Variants in GLIS1 observed in about 807,000 individuals in gnomAD.
GLIS1 encodes zinc finger protein GLIS1.
In GLIS1, 24 loss-of-function variants were observed where a neutral mutation model predicts 63.8. The observed-to-expected ratio is 0.38, with a 90% CI of 0.27 to 0.53. The LOEUF is 0.53. Among genes scored for constraint, GLIS1 ranks in the 20% least tolerant of loss-of-function variants. GLIS1 has a pLI of 0.85. For missense variants in GLIS1, 1,036 were observed against 1,074.1 expected (o/e 0.96, Z 0.50); for synonymous variants, 450 against 482.5 (o/e 0.93, Z 0.88).
rs773311288 is a variant in GLIS1, at chr1:53,631,151, G to GT, written c.260-30874dup. Among the ~76,000 whole-genome samples the GT allele has an allele frequency of 2.3e-3, 346 of 152,238 alleles. 1 individual carries two copies. The highest frequency in any genetic ancestry group is 3.9e-3 in the Non-Finnish European group (262 of 68,004). ...CTTTTCAAGTAGTGTAATCTAACGG[G>GT]TTTTTTTAGTTGCAATTACTTTTGT... On this transcript the variant is annotated intron_variant, in intron 2 of 10. Transcript: ENST00000628545.
chr1:53,594,315 C>T lies in GLIS1; in HGVS notation c.1113G>A (p.Ala371=), dbSNP rs766894332. 1.1e-5 allele frequency: 18 copies of T among 1,611,946 alleles called. No homozygotes were observed. Among genetic ancestry groups the T allele is most frequent in the South Asian group, 3.3e-5 (3 of 91,030 alleles). The change falls in exon 4 of 11, where the codon GCG becomes GCA. Residue 371 remains alanine, a synonymous_variant. Coordinates refer to ENST00000628545, the MANE Select transcript of GLIS1 (RefSeq NM_001367484.1). ...LAGRVVAGRQ[A]CRWVDCCAAY... ...CTGCACAGCAGTCCACCCAGCGGCA[C>T]GCCTGCCGCCCGGCCACCACCCTGC...
At chr1:53,682,006 T>C (rs551581021) in intron 2 of GLIS1, among the ~76,000 whole-genome samples, 1 of 152,348 alleles carries the variant, frequency 6.6e-6, no homozygotes, top group African/African-American at 2.4e-5. Context: ...ACTTTGCAAG[T>C]GTTCTTAATC....
At position 53,594,192 on chromosome 1, in the gene GLIS1, C is replaced by T. The variant is rs1239685132; in HGVS notation, c.1236G>A (p.Val412=). The T allele has an allele frequency of 6.2e-7, 1 of 1,613,864 alleles. No individual in the cohort carries two copies. The highest frequency in any genetic ancestry group is 1.3e-5 in the African/African-American group (1 of 74,938). Residue 412 remains valine (V), a synonymous_variant, in exon 4 of 11, where the codon GTG becomes GTA. Transcript: ENST00000628545. ...EDFTCFWAGC[V]RRYKPFNARY... is the part of the protein sequence containing the mutation. ...GGGCGTTGAAGGGCTTGTAGCGGCGCACGCAGCCAGCCCAGAAGCAGGTGA... is the reference window on the plus strand; with the variant it reads ...GGGCGTTGAAGGGCTTGTAGCGGCGTACGCAGCCAGCCCAGAAGCAGGTGA...
At chr1:53,638,228 G>A (rs1645747715) in intron 2 of GLIS1, among the ~76,000 whole-genome samples, 1 of 152,208 alleles carries the variant, frequency 6.6e-6, no homozygotes, top group South Asian at 2.1e-4. Flanking sequence ...CGGGGAAAGG[G>A]AGGGTTCCTT....
At chr1:53,649,501 G>C (rs184411914) in intron 2 of GLIS1, among the ~76,000 whole-genome samples, 2 of 152,082 alleles carry the variant, frequency 1.3e-5, no homozygotes, top group Non-Finnish European at 2.9e-5. Flanking sequence ...ATTTTTTATC[G>C]TGTTTAGTGC....
chr1:53,534,952 A>G (rs1370235690), intron 4 of GLIS1, among the ~76,000 whole-genome samples: 1 of 152,062 alleles, frequency 6.6e-6, no homozygotes, highest in African/African-American at 2.4e-5. Context: ...AGAGGAGCTC[A>G]GCCCTGACAC....
At chr1:53,608,496 T>C (rs1469243723) in intron 2 of GLIS1, among the ~76,000 whole-genome samples, 2 of 152,202 alleles carry the variant, frequency 1.3e-5, no homozygotes, top group African/African-American at 2.4e-5. Flanking sequence ...TATCTAGCTA[T>C]GGAGCTTGAG....
At position 53,574,782 on chromosome 1, in the gene GLIS1, G is replaced by A. The variant is rs1471236476; in HGVS notation, c.1320+19326C>T. 6.6e-6 allele frequency among the ~76,000 whole-genome samples: 1 copy of A among 152,194 alleles called. No homozygotes were observed. The highest frequency in any genetic ancestry group is 1.5e-5 in the Non-Finnish European group (1 of 68,040). ...ACTGTGATCCTCATGGGGCCATGGG[G>A]TCTAGCTGTGAATGTGGTAAAAAGC... is the stretch of plus-strand genomic sequence containing the variant. On this transcript the variant is annotated intron_variant, in intron 4 of 10. Transcript: ENST00000628545. The surrounding 1 kb of genome is among the most constrained non-coding windows in gnomAD (Gnocchi z 4.2).
At chr1:53,695,941 C>T (rs527882658) in intron 2 of GLIS1, among the ~76,000 whole-genome samples, 2 of 152,328 alleles carry the variant, frequency 1.3e-5, no homozygotes, top group Admixed American at 6.5e-5. Context: ...CTTTCCTGGC[C>T]CTCTTTGGCC....
In GLIS1 at chr1:53,598,372, G is replaced by A. The variant is rs188878590; in HGVS notation, c.437+1729C>T. 9.9e-4 allele frequency among the ~76,000 whole-genome samples: 150 copies of A among 152,168 alleles called. 1 individual carries two copies. The highest frequency in any genetic ancestry group is 3.2e-3 in the African/African-American group (133 of 41,504). ...AGCCCGGCCAACATGGTGAAACCCC[G>A]TCTCTATAAAAAATTAGCCAGGCGT... On this transcript the variant is annotated intron_variant, in intron 3 of 10. Transcript: ENST00000628545. The surrounding 1 kb of genome is among the most constrained non-coding windows in gnomAD (Gnocchi z 4.6).
At position 53,594,207 on chromosome 1, in the gene GLIS1, G is replaced by A. The variant is rs1338155543; in HGVS notation, c.1221C>T (p.Phe407=). 1.9e-6 allele frequency: 3 copies of A among 1,613,982 alleles called. No homozygotes were observed. The highest frequency in any genetic ancestry group is 2.5e-6 in the Non-Finnish European group (3 of 1,179,988). The change falls in exon 4 of 11, where the codon TTC becomes TTT. Residue 407 remains phenylalanine (F), a synonymous_variant. Coordinates refer to ENST00000628545, the MANE Select transcript of GLIS1 (RefSeq NM_001367484.1). ...TGTAGCGGCGCACGCAGCCAGCCCA[G>A]AAGCAGGTGAAGTCCTCGCCCTTGC... is the stretch of plus-strand genomic sequence containing the variant. ...DQRKGEDFTC[F]WAGCVRRYKP...
At chr1:53,521,195 G>C (rs1644405143) in intron 6 of GLIS1, among the ~76,000 whole-genome samples, 2 of 152,166 alleles carry the variant, frequency 1.3e-5, no homozygotes, top group Non-Finnish European at 2.9e-5. Context: ...TGCTGGGCCT[G>C]CCACACTCAG....
Position 53,506,663 on chromosome 1 carries a change from C to A in GLIS1, c.2344G>T (p.Asp782Tyr). 1 of 1,601,546 alleles carries A rather than the reference C, an allele frequency of 6.2e-7. No homozygotes were observed. Among genetic ancestry groups the A allele is most frequent in the East Asian group, 2.3e-5 (1 of 44,290 alleles). ...GAGGGGATGTGGCCCAGGCAGTGGT[C>A]AAAGGCTCCATTGGGGAAGAAGCCA... is the stretch of plus-strand genomic sequence containing the variant. ...DCGFFPNGAFDHCLGHIPSIY... is the reference protein window; with the variant it reads ...DCGFFPNGAFYHCLGHIPSIY... The change falls in exon 11 of 11, where the codon GAC becomes TAC. Residue 782 changes from aspartate (D) to tyrosine (Y), a missense_variant. Coordinates refer to ENST00000628545, the MANE Select transcript of GLIS1 (RefSeq NM_001367484.1).
intron 2 of GLIS1, among the ~76,000 whole-genome samples, chr1:53,637,721 G>A (rs1186728358): frequency 6.6e-6 from 1 of 152,150 alleles, no homozygotes; most frequent in East Asian, 1.9e-4. Context: ...GGTCCTGCAG[G>A]CTTTGGCTGG....
intron 2 of GLIS1, among the ~76,000 whole-genome samples, chr1:53,620,241 C>T (rs1645528427): frequency 6.6e-6 from 1 of 152,220 alleles, no homozygotes; most frequent in African/African-American, 2.4e-5. Flanking sequence ...CTCATTAGTC[C>T]TCACTGGTTA....
rs1644294933 is a variant in GLIS1, at chr1:53,511,191, A to G, written c.1884-1164T>C. On this transcript the variant is annotated intron_variant, in intron 8 of 10. Coordinates refer to ENST00000628545, the MANE Select transcript of GLIS1 (RefSeq NM_001367484.1). This position sits in a 1 kb window ranked among gnomAD's most constrained non-coding sequence, Gnocchi z 4.2. ...AAAGAGGGAGATAGTGAGAGCTCGG[A>G]GTCCCCATTTTCTTGTCTGGATTTG... 6.6e-6 allele frequency among the ~76,000 whole-genome samples: 1 copy of G among 152,166 alleles called. No homozygotes were observed. Among genetic ancestry groups the G allele is most frequent in the Admixed American group, 6.5e-5 (1 of 15,270 alleles).
At chr1:53,515,816 T>TAAAA (rs58953406) in intron 7 of GLIS1, among the ~76,000 whole-genome samples, 4 of 69,186 alleles carry the variant, frequency 5.8e-5, no homozygotes, top group African/African-American at 1.6e-4. Flanking sequence ...CTATTTTATC[T>TAAAA]AAAAAAAAAA....
intron 2 of GLIS1, among the ~76,000 whole-genome samples, chr1:53,617,895 G>A (rs1243503462): frequency 6.6e-6 from 1 of 152,168 alleles, no homozygotes; most frequent in African/African-American, 2.4e-5. Context: ...AGAGTGAGTG[G>A]GGGTGAGCAG....
chr1:53,607,305 CTG>C (rs1179150602), intron 2 of GLIS1, among the ~76,000 whole-genome samples: 1 of 152,214 alleles, frequency 6.6e-6, no homozygotes, highest in Non-Finnish European at 1.5e-5. Flanking sequence ...GGGTCTCACT[CTG>C]TTGCCTAGGC....
Sources: gnomAD v4.1 joint callset for allele counts (sites outside exome capture counted in the v4.1 genomes callset) on GRCh38, gnomAD v4.1.1 for gene constraint, Gnocchi (gnomAD v3.1) non-coding constraint, MANE v1.5 for transcripts, NCBI Gene and HGNC (gene_info 2026-07-23, HGNC 2026-07-21) for gene names.